ATP13A4: variants seen among roughly 807,000 people sequenced by gnomAD.
ATP13A4 encodes ATPase 13A4, also known as probable cation-transporting ATPase 13A4.
A neutral mutation model predicts 142.5 loss-of-function variants in ATP13A4; 114 were observed. The observed-to-expected ratio is 0.80, with a 90% CI of 0.69 to 0.93. The LOEUF (loss-of-function observed/expected upper bound fraction) is 0.93. Ranked by LOEUF, ATP13A4 falls within the 40% of genes least tolerant of loss-of-function variation. The pLI is 0.00. For missense variants in ATP13A4, 1,392 were observed against 1,454.0 expected (o/e 0.96, Z 0.69); for synonymous variants, 488 against 514.8 (o/e 0.95, Z 0.70).
At chr3:193,467,168 A>G (rs900598862) in intron 10 of ATP13A4, 148 bp downstream of exon 10, 63 of 748,784 alleles carry the variant, frequency 8.4e-5, no homozygotes, top group Non-Finnish European at 1.2e-4. Context: ...AAGTATATAC[A>G]CAGCTACTAT....
chr3:193,467,361 T>C lies in ATP13A4; in HGVS notation c.1069A>G (p.Lys357Glu). 6.2e-7 allele frequency: 1 copy of C among 1,614,178 alleles called. No homozygotes were observed. Among genetic ancestry groups the C allele is most frequent in the South Asian group, 1.1e-5 (1 of 91,090 alleles). The change falls in exon 10 of 30, where the codon AAG (lysine) becomes GAG (glutamate). Residue 357 changes from lysine to glutamate, a missense_variant. Coordinates refer to ENST00000342695, the MANE Select transcript of ATP13A4 (RefSeq NM_032279.4). ...CTCACGGTCCCAGAGCAAGCTGCCT[T>C]GGCCTGGATAACCTCTGTTCCACAG... ...LFCGTEVIQAKAACSGTVRAV... is the reference protein window; with the variant it reads ...LFCGTEVIQAEAACSGTVRAV...
intron 1 of ATP13A4, among the ~76,000 whole-genome samples, chr3:193,540,527 CAAAAAAAA>C (rs11360543): frequency 4.5e-5 from 2 of 44,784 alleles, no homozygotes; most frequent in East Asian, 1.7e-3. Context: ...GGCTCTCTGC[CAAAAAAAA>C]AAAAAAAAAA....
chr3:193,542,213 C>A (rs904052370), intron 1 of ATP13A4, among the ~76,000 whole-genome samples: 5 of 152,056 alleles, frequency 3.3e-5, no homozygotes, highest in African/African-American at 9.7e-5. Context: ...TCATGAACTC[C>A]CATTCACAAT....
intron 21 of ATP13A4, chr3:193,440,357 T>A (rs1037334205): frequency 1.1e-5 from 11 of 1,024,258 alleles, no homozygotes; most frequent in Non-Finnish European, 1.5e-5. Context: ...AAGCCCCATA[T>A]AAACAACTGA....
chr3:193,577,085 C>T (rs1724412644), intron 2 of ATP13A4, among the ~76,000 whole-genome samples: 1 of 152,216 alleles, frequency 6.6e-6, no homozygotes. Context: ...TGGATAAATA[C>T]ATTGCCCTCC....
At chr3:193,431,038 G>A (rs1055160648) in intron 25 of ATP13A4, among the ~76,000 whole-genome samples, 13 of 151,888 alleles carry the variant, frequency 8.6e-5, no homozygotes, top group Non-Finnish European at 1.5e-4. Context: ...ACGTTTTGGA[G>A]GCAGTGCTAA....
intron 28 of ATP13A4, among the ~76,000 whole-genome samples, chr3:193,410,498 A>C: frequency 6.6e-6 from 1 of 152,232 alleles, no homozygotes; most frequent in East Asian, 1.9e-4. Context: ...GGCTAGCTTG[A>C]GGCCAGGAGT....
intron 1 of ATP13A4, among the ~76,000 whole-genome samples, chr3:193,551,187 G>A (rs899370760): frequency 6.6e-6 from 1 of 152,192 alleles, no homozygotes; most frequent in Non-Finnish European, 1.5e-5. Flanking sequence ...GCTGAGGCAG[G>A]TGGATCACAA....
Position 193,399,770 on chromosome 3 carries a change from C to T in ATP13A4, c.*2882G>A, listed in dbSNP as rs1383566661. On this transcript the variant is annotated 3_prime_UTR_variant, in exon 30 of 30. Transcript: ENST00000342695. ...CTGAGGCAGGAGAATGGTGTGAATC[C>T]GGGAGGCGGAGCTGGCAGTGAGCCG... 5.9e-5 allele frequency among the ~76,000 whole-genome samples: 8 copies of T among 134,654 alleles called. 1 individual carries two copies. The East Asian group carries it at 1.2e-3, about 20-fold the overall frequency. The allele number at this position is 134,654 out of a possible 152,430, so 88.3% of individuals were successfully genotyped here. A position where few individuals can be genotyped will look rare whatever the true frequency, so the allele number is the denominator to read the frequency against.
intron 16 of ATP13A4, among the ~76,000 whole-genome samples, chr3:193,455,092 A>G (rs1331908059): frequency 1.3e-5 from 2 of 152,146 alleles, no homozygotes; most frequent in Non-Finnish European, 2.9e-5. Context: ...TAATCCCAGC[A>G]CTTTGGGAGG....
intron 7 of ATP13A4, among the ~76,000 whole-genome samples, chr3:193,488,645 G>A (rs539473977): frequency 1.2e-4 from 18 of 152,226 alleles, no homozygotes; most frequent in South Asian, 2.1e-4. Flanking sequence ...AAGACATGTC[G>A]GCATGAGTGA....
intron 2 of ATP13A4, among the ~76,000 whole-genome samples, chr3:193,512,317 C>T (rs1403375545): frequency 1.3e-5 from 2 of 152,190 alleles, no homozygotes; most frequent in Non-Finnish European, 2.9e-5. Context: ...CACACCCCTG[C>T]TCTGAGCCCC....
rs1203028930 is a variant in ATP13A4, at chr3:193,435,630, C to T, written c.2769+18G>A. The T allele has an allele frequency of 3.1e-6, 5 of 1,595,670 alleles. No individual in the cohort carries two copies. The highest frequency in any genetic ancestry group is 4.3e-6 in the Non-Finnish European group (5 of 1,163,558). ...GTTTTAGTTCACACTAACCAAGAGG[C>T]TAAGTCCCAAGTCATACCCAGTAGA... On this transcript the variant is annotated intron_variant, in intron 24 of 29. Transcript: ENST00000342695.
chr3:193,474,595 A>C (rs563339524), intron 8 of ATP13A4, among the ~76,000 whole-genome samples: 1 of 146,856 alleles, frequency 6.8e-6, no homozygotes, highest in African/African-American at 2.5e-5. Context: ...GAAGGAAAGA[A>C]AGGAAGAAAG....
At chr3:193,502,344 G>T in intron 3 of ATP13A4, 149 bp downstream of exon 3, 1 of 951,788 alleles carries the variant, frequency 1.1e-6, no homozygotes, top group South Asian at 1.4e-5. Context: ...AGCAAGCTGA[G>T]ATTTGGACTG....
chr3:193,514,725 T>C lies in ATP13A4; in HGVS notation c.207A>G (p.Glu69=), dbSNP rs568486035. 2 of 1,614,196 alleles carry C rather than the reference T, an allele frequency of 1.2e-6. No homozygotes were observed. Among genetic ancestry groups the C allele is most frequent in the East Asian group, 4.5e-5 (2 of 44,880 alleles). The change falls in exon 2 of 30, where the codon GAA becomes GAG. Residue 69 remains glutamate, a synonymous_variant. Transcript: ENST00000342695. ...WAHCVPCSLQ[E]ADTVLLRTTD... Reference sequence around the variant, plus strand: ...TTGTCCTCAGCAACACAGTGTCTGCTTCTTGCAAGGAACATGGGACACAAT... The same window carrying C: ...TTGTCCTCAGCAACACAGTGTCTGCCTCTTGCAAGGAACATGGGACACAAT...
At chr3:193,482,624 A>G (rs1719360493) in intron 8 of ATP13A4, among the ~76,000 whole-genome samples, 1 of 152,264 alleles carries the variant, frequency 6.6e-6, no homozygotes, top group African/African-American at 2.4e-5. Context: ...AACAAGGTAT[A>G]TGAGCAGCAA....
intron 25 of ATP13A4, among the ~76,000 whole-genome samples, chr3:193,420,548 AAAGGAATTTATAATGATCTT>A (rs1378838582): frequency 2.1e-4 from 31 of 149,976 alleles, no homozygotes; most frequent in African/African-American, 7.6e-4. Context: ...AATTTCCTGA[AAAGGAATTTATAATGATCTT>A]AAGGAAACTC....
Position 193,454,088 on chromosome 3 carries a change from C to T in ATP13A4, c.2027+13G>A. 1 of 1,588,694 alleles carries T rather than the reference C, an allele frequency of 6.3e-7. No individual in the cohort carries two copies. Among genetic ancestry groups the T allele is most frequent in the Non-Finnish European group, 8.6e-7 (1 of 1,156,856 alleles). ...TCAAACCTTTCTGCTTTATCAAAAT[C>T]ATCCCCATTTACCTCGTCAAGGTAG... On this transcript the variant is annotated intron_variant, in intron 17 of 29. Coordinates refer to ENST00000342695, the MANE Select transcript of ATP13A4 (RefSeq NM_032279.4).
Sources: allele counts gnomAD v4.1 joint callset (sites outside exome capture counted in the v4.1 genomes callset), GRCh38; gene constraint gnomAD v4.1.1; transcripts MANE v1.5; gene names NCBI Gene and HGNC (gene_info 2026-07-23, HGNC 2026-07-21).